FBXW5: variants seen among roughly 807,000 people sequenced by gnomAD.
FBXW5 encodes the protein F-box/WD repeat-containing protein 5.
Under a neutral mutation model 50.9 loss-of-function variants are expected in FBXW5, and 74 were observed. That is an observed-to-expected ratio of 1.45 (90% CI 1.20 to 1.76). The LOEUF is 1.76. FBXW5 is among the 40% of genes most tolerant of loss of function. FBXW5 has a pLI of 0.00. For missense variants in FBXW5, 1,073 were observed against 818.8 expected (o/e 1.31, Z -3.79); for synonymous variants, 523 against 362.2 (o/e 1.44, Z -5.04).
rs140398524 is a variant in FBXW5, at chr9:136,941,651, G to A, written c.1130C>T (p.Thr377Met). The change falls in exon 7 of 9, where the codon ACG becomes ATG. Residue 377 changes from threonine to methionine, a missense_variant. Coordinates refer to ENST00000325285, the MANE Select transcript of FBXW5 (RefSeq NM_018998.4). ...IKQILPHQMT[T>M]AGPVLGEGRG... ...GCCCTCACCCAGCACGGGCCCTGCC[G>A]TGGTCATCTGGTGTGGCAGGATCTG... 30 of 1,568,422 alleles carry A rather than the reference G, an allele frequency of 1.9e-5. No individual in the cohort carries two copies. Among genetic ancestry groups the A allele is most frequent in the South Asian group, 1.0e-4 (9 of 85,998 alleles).
intron 8 of FBXW5, 24 bp from the exon 9 acceptor site, chr9:136,941,195 C>G: frequency 6.3e-7 from 1 of 1,596,946 alleles, no homozygotes; most frequent in South Asian, 1.1e-5. Context: ...CCTGGGTGAG[C>G]CGGCCGCCCG....
Position 136,940,922 on chromosome 9 carries a change from C to T in FBXW5, c.*6G>A. On this transcript the variant is annotated 3_prime_UTR_variant, in exon 9 of 9. Coordinates refer to ENST00000325285, the MANE Select transcript of FBXW5 (RefSeq NM_018998.4). ...GTCCCGGTGGCTCCAGTGCACCCAG[C>T]ACACCTCAGCGCCTCTGGCTGGCAA... is the stretch of plus-strand genomic sequence containing the variant. 2 of 1,577,376 alleles carry T rather than the reference C, an allele frequency of 1.3e-6. No homozygotes were observed. Among genetic ancestry groups the T allele is most frequent in the Non-Finnish European group, 1.7e-6 (2 of 1,164,224 alleles).
chr9:136,944,176 T>TC (rs1850938911), intron 1 of FBXW5, 70 bp from the exon 2 acceptor site: 1 of 1,437,212 alleles, frequency 7.0e-7, no homozygotes. Context: ...GTCCTGTTCC[T>TC]CCAGCCCCAA....
intron 3 of FBXW5, among the ~76,000 whole-genome samples, 160 bp downstream of exon 3, chr9:136,943,189 G>A (rs1564436767): frequency 6.6e-6 from 1 of 152,192 alleles, no homozygotes; most frequent in East Asian, 1.9e-4. Flanking sequence ...CACCGCTCCT[G>A]ATCCTCTGTG....
At chr9:136,943,693 A>C (rs1285906674) in intron 2 of FBXW5, among the ~76,000 whole-genome samples, 187 bp from the exon 3 acceptor site, 2 of 152,168 alleles carry the variant, frequency 1.3e-5, no homozygotes, top group Non-Finnish European at 2.9e-5. Context: ...CCACCCCCCA[A>C]GTGACCCAAT....
At chr9:136,942,990 G>A (rs768259879) in intron 3 of FBXW5, 47 bp from the exon 4 acceptor site, 1 of 1,608,982 alleles carries the variant, frequency 6.2e-7, no homozygotes, top group Admixed American at 1.7e-5. Flanking sequence ...AGGTCGCGGG[G>A]CGGGGGCCTG....
In FBXW5 at chr9:136,943,248, A is replaced by AC. The variant is rs11339872; in HGVS notation, c.351+100dup. On this transcript the variant is annotated intron_variant, in intron 3 of 8. Transcript: ENST00000325285. ...GCTGCTGTCACCTCTGGCCTGACCC[A>AC]CCCCCCCCCCCACCACCACCTGGTT... 6,633 of 720,650 alleles carry AC rather than the reference A, an allele frequency of 9.2e-3. 17 individuals are homozygous for AC. Among genetic ancestry groups the AC allele is most frequent in the Middle Eastern group, 0.01 (23 of 2,292 alleles). The allele number at this position is 720,650 out of a possible 1,614,324, so 44.6% of individuals were successfully genotyped here.
At chr9:136,943,243 G>GTGC in intron 3 of FBXW5, 106 bp downstream of exon 3, 4 of 1,176,292 alleles carry the variant, frequency 3.4e-6, no homozygotes, top group Admixed American at 2.1e-5. Flanking sequence ...CCTCTGGCCT[G>GTGC]ACCCACCCCC....
Position 136,942,949 on chromosome 9 carries a change from C to T in FBXW5, c.352-6G>A, listed in dbSNP as rs374535247. 15 of 1,612,380 alleles carry T rather than the reference C, an allele frequency of 9.3e-6. No homozygotes were observed. The highest frequency in any genetic ancestry group is 1.7e-5 in the Admixed American group (1 of 59,988). On this transcript the variant is annotated splice_polypyrimidine_tract_variant and splice_region_variant and intron_variant, in intron 3 of 8. Transcript: ENST00000325285. Reference sequence around the variant, plus strand: ...GTCAGGTCGTTGCTCCAGATCTGTTCGGCAGGGGCGGCTGTAGTGATCGCC... The same window carrying T: ...GTCAGGTCGTTGCTCCAGATCTGTTTGGCAGGGGCGGCTGTAGTGATCGCC...
chr9:136,940,739 C>T lies in FBXW5; in HGVS notation c.*189G>A. On this transcript the variant is annotated 3_prime_UTR_variant, in exon 9 of 9. Transcript: ENST00000325285. ...GAGGGGGCCTTGGGCTCCATCTGCA[C>T]TGGCCACCCCGTGCCAAGCATCACA... 1.0e-6 allele frequency: 1 copy of T among 983,862 alleles called. No homozygotes were observed. Among genetic ancestry groups the T allele is most frequent in the Non-Finnish European group, 1.5e-6 (1 of 687,822 alleles). The allele number at this position is 983,862 out of a possible 1,614,324, so 60.9% of individuals were successfully genotyped here.
rs1426260070 is a variant in FBXW5 at position 136,942,062 on chromosome 9, G to A, written c.1080C>T (p.Tyr360=). The A allele has an allele frequency of 6.2e-7, 1 of 1,610,152 alleles. No homozygotes were observed. The highest frequency in any genetic ancestry group is 8.5e-7 in the Non-Finnish European group (1 of 1,177,278). Residue 360 remains tyrosine (Y), a synonymous_variant, in exon 6 of 9, where the codon TAC becomes TAT. Coordinates refer to ENST00000325285, the MANE Select transcript of FBXW5 (RefSeq NM_018998.4). The stretch of plus-strand genomic sequence containing the variant: ...GGGGTGTACCGATCTGGTGTGGGGA[G>A]TAGGTGAGGCAGCCAGTGGTGAAGA... ...YLIFTTGCLT[Y]SPHQIGIKQI...
rs1168248880 is a variant in FBXW5, at chr9:136,941,141, C to T, written c.1488G>A (p.Trp496Ter). ...CCAGACAGATGTTGTAGTGGCGGTCCCAGATGTAGCCGTGCCGGTCCTCCG... is the reference window on the plus strand; with the variant it reads ...CCAGACAGATGTTGTAGTGGCGGTCTCAGATGTAGCCGTGCCGGTCCTCCG... The part of the protein sequence containing the change: ...SGAEDRHGYI[W>*]DRHYNICLAR... The change falls in exon 9 of 9, where the codon TGG (tryptophan) becomes TGA (stop). Residue 496 changes from tryptophan (W) to a stop codon, truncating the protein, a stop_gained. Transcript: ENST00000325285. LOFTEE classifies it high-confidence loss of function. 6.3e-7 allele frequency: 1 copy of T among 1,597,626 alleles called. No homozygotes were observed. Among genetic ancestry groups the T allele is most frequent in the African/African-American group, 1.3e-5 (1 of 74,792 alleles).
rs1247114657 is a variant in FBXW5, at chr9:136,943,356, G to A, written c.344C>T (p.Thr115Ile). ...YQFASCSKDC[T>I]VKIWSNDLTI... ...ACACCTGGCCGTCCTCACCTTCACA[G>A]TGCAGTCCTTGGAGCAGGACGCGAA... Residue 115 changes from threonine to isoleucine, a missense_variant, in exon 3 of 9, where the codon ACT (threonine) becomes ATT (isoleucine). Thr to Ile is a moderately conservative substitution (Grantham distance 89). Coordinates refer to ENST00000325285, the MANE Select transcript of FBXW5 (RefSeq NM_018998.4). 1 of 1,609,234 alleles carries A rather than the reference G, an allele frequency of 6.2e-7. No homozygotes were observed. The highest frequency in any genetic ancestry group is 8.5e-7 in the Non-Finnish European group (1 of 1,177,934).
rs1046392190 is a variant in FBXW5, at chr9:136,940,770, G to A, written c.*158C>T. On this transcript the variant is annotated 3_prime_UTR_variant, in exon 9 of 9. Coordinates refer to ENST00000325285, the MANE Select transcript of FBXW5 (RefSeq NM_018998.4). ...ACCCCGTGCCAAGCATCACAGCTGCGTGAGCAGGTTTGTGTGTGAGCGTGT... is the reference window on the plus strand; with the variant it reads ...ACCCCGTGCCAAGCATCACAGCTGCATGAGCAGGTTTGTGTGTGAGCGTGT... The A allele has an allele frequency of 4.0e-5, 48 of 1,199,030 alleles. No homozygotes were observed. Among genetic ancestry groups the A allele is most frequent in the Non-Finnish European group, 4.0e-5 (35 of 879,702 alleles). The allele number at this position is 1,199,030 out of a possible 1,614,324, so 74.3% of individuals were successfully genotyped here.
rs775860966 is a variant in FBXW5 at position 136,942,503 on chromosome 9, G to A, written c.676-37C>T. The A allele has an allele frequency of 4.7e-5, 75 of 1,597,264 alleles. No individual in the cohort carries two copies. In the Admixed American group the frequency reaches 5.4e-4, roughly 11 times the overall value. The stretch of plus-strand genomic sequence containing the variant: ...GGCACGTGCCAGGTGGGCGCCGGGC[G>A]CCAGGCCCCAGGAGGGCAGCCCCGC... On this transcript the variant is annotated intron_variant, in intron 5 of 8. Coordinates refer to ENST00000325285, the MANE Select transcript of FBXW5 (RefSeq NM_018998.4).
chr9:136,943,843 CG>C, intron 2 of FBXW5, 47 bp downstream of exon 2: 1 of 1,535,752 alleles, frequency 6.5e-7, no homozygotes, highest in Non-Finnish European at 8.8e-7. Context: ...CGCAGGGGCC[CG>C]GGGCCCTGGC....
rs774712490 is a variant in FBXW5, at chr9:136,942,332, A to G, written c.810T>C (p.Gly270=). Residue 270 remains glycine, a synonymous_variant, in exon 6 of 9, where the codon GGT becomes GGC. Coordinates refer to ENST00000325285, the MANE Select transcript of FBXW5 (RefSeq NM_018998.4). ...FDSPDLLLEA[G]DPATSPCRIF... ...TGCGGCAGGGGGACGTGGCCGGGTC[A>G]CCGGCTTCCAGCAGCAGGTCAGGGC... The G allele has an allele frequency of 6.2e-7, 1 of 1,601,606 alleles. No individual in the cohort carries two copies. Among genetic ancestry groups the G allele is most frequent in the East Asian group, 2.3e-5 (1 of 44,284 alleles).
intron 6 of FBXW5, 76 bp downstream of exon 6, chr9:136,941,970 C>A: frequency 6.7e-7 from 1 of 1,484,866 alleles, no homozygotes; most frequent in Admixed American, 2.3e-5. Flanking sequence ...TGCTTGCTGT[C>A]TGCCCCTCAG....
chr9:136,942,584 G>T lies in FBXW5; in HGVS notation c.638C>A (p.Thr213Asn), dbSNP rs1217096563. Residue 213 changes from threonine to asparagine, a missense_variant, in exon 5 of 9, where the codon ACC becomes AAC. Transcript: ENST00000325285. ...SGNLHRIGDI[T>N]SCSVLWLNNA... is the part of the protein sequence containing the mutation. ...GTTGAGCCACAGCACCGAGCAGGAG[G>T]TGATATCTCCGATGCGGTGCAGGTT... 1 of 1,611,862 alleles carries T rather than the reference G, an allele frequency of 6.2e-7. No individual in the cohort carries two copies. The highest frequency in any genetic ancestry group is 1.7e-5 in the Admixed American group (1 of 59,850).
Sources: gnomAD v4.1 joint callset for allele counts (sites outside exome capture counted in the v4.1 genomes callset) on GRCh38, gnomAD v4.1.1 for gene constraint, MANE v1.5 for transcripts, NCBI Gene and HGNC (gene_info 2026-07-23, HGNC 2026-07-21) for gene names.